Variants in GPR39 observed in about 807,000 individuals in gnomAD.
GPR39 encodes the protein G protein-coupled receptor 39, also known as zinc sensing receptor.
A neutral mutation model predicts 18.4 loss-of-function variants in GPR39; 23 were observed. The observed-to-expected ratio is 1.25, with a 90% CI of 0.90 to 1.77. GPR39 has a LOEUF of 1.77. Ranked by LOEUF, GPR39 falls within the 40% of genes most tolerant of loss-of-function variation. GPR39 has a pLI of 0.00. For missense variants in GPR39, 647 were observed against 602.4 expected, an observed-to-expected ratio of 1.07 and a Z score of -0.78; for synonymous variants, 280 against 257.9, an observed-to-expected ratio of 1.09 and a Z score of -0.82.
chr2:132,543,863 C>A (rs1573657478), intron 1 of GPR39, among the ~76,000 whole-genome samples: 1 of 152,192 alleles, frequency 6.6e-6, no homozygotes, highest in South Asian at 2.1e-4. Flanking sequence ...ATGTTTCACA[C>A]CTGAACTCCC....
chr2:132,419,222 CTG>C, intron 1 of GPR39, among the ~76,000 whole-genome samples: 1 of 152,344 alleles, frequency 6.6e-6, no homozygotes, highest in East Asian at 1.9e-4. Context: ...TGACTTTACT[CTG>C]TGTCTGCACA....
intron 1 of GPR39, among the ~76,000 whole-genome samples, chr2:132,509,957 G>A (rs1158774752): frequency 2.0e-5 from 3 of 152,182 alleles, no homozygotes; most frequent in African/African-American, 7.2e-5. Flanking sequence ...GAAGCCATTT[G>A]CCATGGGTGC....
intron 1 of GPR39, among the ~76,000 whole-genome samples, chr2:132,447,402 G>A (rs576200283): frequency 3.3e-5 from 5 of 152,138 alleles, no homozygotes; most frequent in South Asian, 2.1e-4. Flanking sequence ...CTGACATTTC[G>A]TTACAATTTT....
At chr2:132,534,633 T>C (rs1415531733) in intron 1 of GPR39, among the ~76,000 whole-genome samples, 1 of 151,632 alleles carries the variant, frequency 6.6e-6, no homozygotes, top group East Asian at 2.0e-4. Context: ...ATGTGGCACA[T>C]ATACACTATG....
Position 132,585,495 on chromosome 2 carries a change from T to G in GPR39, c.857-59606T>G, listed in dbSNP as rs141018118. The stretch of plus-strand genomic sequence containing the variant: ...CGCTTCTCCCGTGACTGATGTGAGT[T>G]GCCCTCGCACACATTTTCCAAACTC... On this transcript the variant is annotated intron_variant, in intron 1 of 1. Coordinates refer to ENST00000329321, the MANE Select transcript of GPR39 (RefSeq NM_001508.3). Among the ~76,000 whole-genome samples the G allele has an allele frequency of 3.0e-3, 461 of 152,326 alleles. 4 individuals are homozygous for G. Among genetic ancestry groups the G allele is most frequent in the Non-Finnish European group, 3.5e-3 (237 of 68,034 alleles).
At chr2:132,598,284 ATTTG>A (rs1422493245) in intron 1 of GPR39, among the ~76,000 whole-genome samples, 6 of 152,084 alleles carry the variant, frequency 3.9e-5, no homozygotes, top group African/African-American at 1.2e-4. Context: ...ATTTCCGGGT[ATTTG>A]TTAAACCAGT....
At chr2:132,546,777 A>C (rs6729077) in intron 1 of GPR39, among the ~76,000 whole-genome samples, 24,245 of 140,930 alleles carry the variant, frequency 0.17, 2,361 homozygotes, top group African/African-American at 0.27. Flanking sequence ...TTGGGCAGAG[A>C]GAGCCTCCAT....
chr2:132,493,500 T>TAC (rs1228797599), intron 1 of GPR39, among the ~76,000 whole-genome samples: 2 of 84,494 alleles, frequency 2.4e-5, no homozygotes, highest in African/African-American at 4.4e-5. Flanking sequence ...TATATATATA[T>TAC]ACACCATATA....
At chr2:132,530,448 A>G (rs1679594051) in intron 1 of GPR39, among the ~76,000 whole-genome samples, 1 of 152,238 alleles carries the variant, frequency 6.6e-6, no homozygotes, top group East Asian at 1.9e-4. Context: ...ATTATCCAGG[A>G]GAACTTCCCC....
At chr2:132,641,005 T>G (rs1477537836) in intron 1 of GPR39, among the ~76,000 whole-genome samples, 2 of 152,218 alleles carry the variant, frequency 1.3e-5, no homozygotes, top group Admixed American at 1.3e-4. Flanking sequence ...TGTACCTGTA[T>G]GCCTAATGCT....
intron 1 of GPR39, among the ~76,000 whole-genome samples, chr2:132,539,989 A>G (rs1485308768): frequency 2.6e-5 from 4 of 152,176 alleles, no homozygotes; most frequent in Non-Finnish European, 2.9e-5. Flanking sequence ...CCAAAATAAT[A>G]TCTTCCATCT....
chr2:132,621,336 C>T (rs563284656), intron 1 of GPR39, among the ~76,000 whole-genome samples: 3 of 152,220 alleles, frequency 2.0e-5, no homozygotes, highest in Admixed American at 6.5e-5. Flanking sequence ...GTGTCACCAG[C>T]GTTGCTGCAG....
chr2:132,458,488 G>GTGTT (rs1200082975), intron 1 of GPR39, among the ~76,000 whole-genome samples: 1 of 149,662 alleles, frequency 6.7e-6, no homozygotes, highest in African/African-American at 2.5e-5. Context: ...GTGTGTGTGT[G>GTGTT]TGTGTGTAAG....
At chr2:132,440,566 A>G (rs1680417367) in intron 1 of GPR39, among the ~76,000 whole-genome samples, 4 of 152,168 alleles carry the variant, frequency 2.6e-5, no homozygotes. Flanking sequence ...AAAAGTGGGC[A>G]AGTAAATACC....
intron 1 of GPR39, among the ~76,000 whole-genome samples, chr2:132,451,174 T>TGTGTGTGTGTGTGTGCGC (rs3219552): frequency 6.7e-6 from 1 of 150,354 alleles, no homozygotes; most frequent in African/African-American, 2.4e-5. Flanking sequence ...TGTGTGTGTG[T>TGTGTGTGTGTGTGTGCGC]GCACGCGCGT....
At chr2:132,611,075 C>T (rs1558858230) in intron 1 of GPR39, among the ~76,000 whole-genome samples, 1 of 152,232 alleles carries the variant, frequency 6.6e-6, no homozygotes, top group Admixed American at 6.5e-5. Context: ...GCCACACTAT[C>T]TACCTCACTG....
intron 1 of GPR39, among the ~76,000 whole-genome samples, chr2:132,540,732 T>C (rs572117958): frequency 6.6e-6 from 1 of 151,408 alleles, no homozygotes; most frequent in East Asian, 1.9e-4. Flanking sequence ...ATCTTGGTGT[T>C]ACTGCAGTGA....
chr2:132,523,485 A>G (rs1351381001), intron 1 of GPR39: 1 of 152,156 alleles, frequency 6.6e-6, no homozygotes, highest in Non-Finnish European at 1.5e-5. Context: ...TAGAAAAAAA[A>G]AAGGAGTCCA....
chr2:132,534,721 CA>C (rs1392153345), intron 1 of GPR39, among the ~76,000 whole-genome samples: 6 of 151,952 alleles, frequency 3.9e-5, no homozygotes, highest in African/African-American at 1.4e-4. Context: ...CCATCATTCT[CA>C]GCAAACTATC....
Sources: gnomAD v4.1 joint callset for allele counts (sites outside exome capture counted in the v4.1 genomes callset) on GRCh38, gnomAD v4.1.1 for gene constraint, MANE v1.5 for transcripts, NCBI Gene and HGNC (gene_info 2026-07-23, HGNC 2026-07-21) for gene names.